The following SYNDIG1 variants were observed in gnomAD, a reference collection of about 807,000 sequenced individuals.
SYNDIG1 encodes the protein synapse differentiation inducing 1.
In SYNDIG1, 9 loss-of-function variants were observed where a neutral mutation model predicts 19.4. The observed-to-expected ratio is 0.46, with a 90% CI of 0.28 to 0.81. SYNDIG1 has a LOEUF of 0.81. Ranked by LOEUF, SYNDIG1 falls within the 30% of genes least tolerant of loss-of-function variation. The probability of loss-of-function intolerance (pLI) is 0.12; values close to 1 mark genes in which losing one functional copy is unlikely to be tolerated. For synonymous variants in SYNDIG1, 141 were observed against 145.9 expected, an observed-to-expected ratio of 0.97 and a Z score of 0.24; for missense variants, 311 against 343.3, an observed-to-expected ratio of 0.91 and a Z score of 0.74.
chr20:24,562,815 G>T (rs2057971571), intron 2 of SYNDIG1, among the ~76,000 whole-genome samples: 1 of 152,180 alleles, frequency 6.6e-6, no homozygotes, highest in Non-Finnish European at 1.5e-5. Flanking sequence ...TTAATAAAGG[G>T]AACAATGGTC....
At chr20:24,537,389 A>T (rs1215110929) in intron 1 of SYNDIG1, among the ~76,000 whole-genome samples, 2 of 151,578 alleles carry the variant, frequency 1.3e-5, no homozygotes, top group Non-Finnish European at 2.9e-5. Flanking sequence ...TGGTCAGTCC[A>T]CAGCCAGTCT....
chr20:24,664,763 A>C (rs1046848035), intron 3 of SYNDIG1, among the ~76,000 whole-genome samples: 2 of 152,002 alleles, frequency 1.3e-5, no homozygotes, highest in African/African-American at 2.4e-5. Context: ...GAAGTGAATG[A>C]CTCATGGCCA....
chr20:24,632,871 G>A (rs1049032304), intron 3 of SYNDIG1, among the ~76,000 whole-genome samples: 39 of 152,236 alleles, frequency 2.6e-4, no homozygotes, highest in African/African-American at 8.2e-4. Context: ...GAATAAATTC[G>A]CGAGAAGCTG....
intron 1 of SYNDIG1, among the ~76,000 whole-genome samples, chr20:24,521,141 A>G (rs1191794366): frequency 6.6e-6 from 1 of 152,220 alleles, no homozygotes; most frequent in African/African-American, 2.4e-5. Context: ...AACACTGAGG[A>G]AAATTTGCTT....
intron 1 of SYNDIG1, among the ~76,000 whole-genome samples, chr20:24,522,560 C>T (rs759762813): frequency 2.0e-5 from 3 of 152,144 alleles, no homozygotes; most frequent in Admixed American, 2.0e-4. Context: ...TGAGTCCTTC[C>T]CTTGGTTACT....
At chr20:24,496,489 A>T (rs574006565) in intron 1 of SYNDIG1, among the ~76,000 whole-genome samples, 1 of 152,292 alleles carries the variant, frequency 6.6e-6, no homozygotes, top group Admixed American at 6.5e-5. Context: ...TTCTAAAAGC[A>T]TGGGTTTCTA....
At chr20:24,640,647 T>C (rs189927154) in intron 3 of SYNDIG1, among the ~76,000 whole-genome samples, 1 of 152,084 alleles carries the variant, frequency 6.6e-6, no homozygotes, top group Non-Finnish European at 1.5e-5. Flanking sequence ...TTCTATGAAA[T>C]TGACTGGAAG....
At chr20:24,665,025 C>G (rs534566383) in intron 3 of SYNDIG1, among the ~76,000 whole-genome samples, 4 of 152,310 alleles carry the variant, frequency 2.6e-5, no homozygotes, top group East Asian at 3.9e-4. Context: ...TCCCTCAGTA[C>G]TCGTGCTGGA....
At chr20:24,511,761 T>C (rs1322344957) in intron 1 of SYNDIG1, among the ~76,000 whole-genome samples, 2 of 152,170 alleles carry the variant, frequency 1.3e-5, no homozygotes, top group African/African-American at 4.8e-5. Flanking sequence ...TGCAGCATAC[T>C]TACATGCTTT....
chr20:24,633,315 C>G (rs1020063497), intron 3 of SYNDIG1, among the ~76,000 whole-genome samples: 1 of 152,182 alleles, frequency 6.6e-6, no homozygotes, highest in Non-Finnish European at 1.5e-5. Flanking sequence ...CTCTCTGGCA[C>G]GTGCCTTCCT....
At chr20:24,604,963 A>G (rs1444998868) in intron 3 of SYNDIG1, among the ~76,000 whole-genome samples, 1 of 152,146 alleles carries the variant, frequency 6.6e-6, no homozygotes, top group Non-Finnish European at 1.5e-5. Context: ...CCATCTAATG[A>G]ATGCATCTGT....
At chr20:24,607,360 CA>C (rs59085965) in intron 3 of SYNDIG1, among the ~76,000 whole-genome samples, 19,430 of 107,316 alleles carry the variant, frequency 0.18, 1,514 homozygotes, top group African/African-American at 0.3. Flanking sequence ...GACTCCGTCT[CA>C]AAAAAAAAAA....
At chr20:24,605,314 T>G (rs552566266) in intron 3 of SYNDIG1, among the ~76,000 whole-genome samples, 2 of 152,300 alleles carry the variant, frequency 1.3e-5, no homozygotes, top group South Asian at 4.1e-4. Flanking sequence ...ACAAATGCAT[T>G]GAAAAACATT....
chr20:24,491,783 A>G (rs1225998477), intron 1 of SYNDIG1: 2 of 152,192 alleles, frequency 1.3e-5, no homozygotes, highest in African/African-American at 4.8e-5. Flanking sequence ...ACATTTCACT[A>G]AGTCATAAGT....
intron 3 of SYNDIG1, among the ~76,000 whole-genome samples, chr20:24,643,076 T>C (rs2059393823): frequency 6.6e-6 from 1 of 151,896 alleles, no homozygotes; most frequent in South Asian, 2.1e-4. Flanking sequence ...TAATTATTTA[T>C]GTACATATAT....
chr20:24,516,740 C>T (rs1454563982), intron 1 of SYNDIG1, among the ~76,000 whole-genome samples: 4 of 152,154 alleles, frequency 2.6e-5, no homozygotes, highest in African/African-American at 9.7e-5. Context: ...CTAGTTCAAC[C>T]ATTGTAGAAG....
intron 2 of SYNDIG1, 22 bp downstream of exon 2, chr20:24,543,599 A>C (rs776315128): frequency 6.3e-6 from 10 of 1,592,908 alleles, no homozygotes; most frequent in Admixed American, 1.7e-5. Context: ...TGTTTGTCAG[A>C]GGCCCTCTAA....
rs74173652 is a variant in SYNDIG1 at position 24,580,475 on chromosome 20, A to G, written c.481-4381A>G. On this transcript the variant is annotated intron_variant, in intron 2 of 3. Coordinates refer to ENST00000376862, the MANE Select transcript of SYNDIG1 (RefSeq NM_024893.3). ...GCCCCGGCTGGAGTGCAATGATGCAATCTTGGCTCACTGCAACCTCCACTC... is the reference window on the plus strand; with the variant it reads ...GCCCCGGCTGGAGTGCAATGATGCAGTCTTGGCTCACTGCAACCTCCACTC... 5.6e-3 allele frequency among the ~76,000 whole-genome samples: 859 copies of G among 152,196 alleles called. 5 individuals are homozygous for G. The highest frequency in any genetic ancestry group is 8.9e-3 in the Non-Finnish European group (604 of 68,016).
At position 24,509,790 on chromosome 20, in the gene SYNDIG1, T is replaced by A. The variant is rs146091727; in HGVS notation, c.-78-33230T>A. On this transcript the variant is annotated intron_variant, in intron 1 of 3. Transcript: ENST00000376862. Reference sequence around the variant, plus strand: ...AAATTATTTTTGATTTCCTTAACGGTTTCTAACATAGTTTGGATGTATGTC... The same window carrying A: ...AAATTATTTTTGATTTCCTTAACGGATTCTAACATAGTTTGGATGTATGTC... Among the ~76,000 whole-genome samples, 775 of 152,312 alleles carry A rather than the reference T, an allele frequency of 5.1e-3. 9 individuals are homozygous for A. Among genetic ancestry groups the A allele is most frequent in the African/African-American group, 0.017 (726 of 41,542 alleles).
Sources: allele counts gnomAD v4.1 joint callset (sites outside exome capture counted in the v4.1 genomes callset), GRCh38; gene constraint gnomAD v4.1.1; transcripts MANE v1.5; gene names NCBI Gene and HGNC (gene_info 2026-07-23, HGNC 2026-07-21).